The following FGF14 variants were observed in gnomAD, a reference collection of about 807,000 sequenced individuals.
FGF14 encodes the protein fibroblast growth factor homologous factor 4.
In FGF14, 5 loss-of-function variants were observed where a neutral mutation model predicts 25.5. The ratio of observed to expected loss-of-function variants is 0.20; its 90% CI spans 0.10 to 0.41. FGF14 has a LOEUF of 0.41. Ranked by LOEUF, FGF14 falls within the 10% of genes least tolerant of loss-of-function variation. The pLI is 1.00. For missense variants in FGF14, 222 were observed against 320.1 expected, an observed-to-expected ratio of 0.69 and a Z score of 2.34; for synonymous variants, 138 against 118.3, an observed-to-expected ratio of 1.17 and a Z score of -1.08.
chr13:102,244,177 C>CT (rs2051742686), intron 1 of FGF14, among the ~76,000 whole-genome samples: 1 of 152,038 alleles, frequency 6.6e-6, no homozygotes, highest in Non-Finnish European at 1.5e-5. Context: ...ACTTATTACT[C>CT]TGAGACTGAA....
In FGF14 at chr13:102,340,713, G is replaced by A. The variant is rs564132547; in HGVS notation, c.208+60758C>T. Among the ~76,000 whole-genome samples the A allele has an allele frequency of 2.0e-5, 3 of 152,276 alleles. No homozygotes were observed. In the East Asian group the frequency reaches 5.8e-4, roughly 29 times the overall value. On this transcript the variant is annotated intron_variant, in intron 1 of 4. Coordinates refer to the FGF14 transcript ENST00000376131. ...AATCTATATGTGGATCAAGAAGGCA[G>A]TCATAAAATGCAAAGGGCTTCTTAT...
chr13:102,172,482 A>G (rs2048290831), intron 1 of FGF14, among the ~76,000 whole-genome samples: 1 of 152,116 alleles, frequency 6.6e-6, no homozygotes, highest in Non-Finnish European at 1.5e-5. Flanking sequence ...AGTGACATAC[A>G]TTTACACTCC....
At chr13:101,893,756 T>C (rs1489037803) in intron 1 of FGF14, among the ~76,000 whole-genome samples, 11 of 152,190 alleles carry the variant, frequency 7.2e-5, no homozygotes. Context: ...AGAGCCCTAC[T>C]GACAAGTCAA....
At chr13:102,322,182 T>G (rs1719192662) in intron 1 of FGF14, among the ~76,000 whole-genome samples, 1 of 152,244 alleles carries the variant, frequency 6.6e-6, no homozygotes, top group Non-Finnish European at 1.5e-5. Context: ...CTAAATGTCA[T>G]GCTAAGATGT....
chr13:102,084,216 C>T (rs2043778245), intron 1 of FGF14, among the ~76,000 whole-genome samples: 2 of 152,148 alleles, frequency 1.3e-5, no homozygotes, highest in South Asian at 4.1e-4. Context: ...CATTTCCTAA[C>T]CTCTAACTCT....
intron 1 of FGF14, among the ~76,000 whole-genome samples, chr13:101,899,406 G>A (rs2031221737): frequency 1.3e-5 from 2 of 151,700 alleles, no homozygotes; most frequent in African/African-American, 2.4e-5. Context: ...AGTAAATGAT[G>A]GAGATATAAC....
chr13:102,106,207 G>T (rs1450889341), intron 1 of FGF14, among the ~76,000 whole-genome samples: 1 of 152,076 alleles, frequency 6.6e-6, no homozygotes, highest in African/African-American at 2.4e-5. Context: ...TTGCTACTAA[G>T]GTATCCACAC....
At chr13:102,068,484 G>A (rs71441536) in intron 1 of FGF14, among the ~76,000 whole-genome samples, 3 of 152,308 alleles carry the variant, frequency 2.0e-5, no homozygotes, top group South Asian at 2.1e-4. Flanking sequence ...GGAGAGGCGC[G>A]AGCGGGAACC....
chr13:101,855,987 T>G (rs1175809832), intron 3 of FGF14, among the ~76,000 whole-genome samples: 1 of 151,602 alleles, frequency 6.6e-6, no homozygotes, highest in Non-Finnish European at 1.5e-5. Flanking sequence ...TCTTGTACAA[T>G]GTAATTTTAA....
At chr13:102,298,172 A>C (rs2054829757) in intron 1 of FGF14, among the ~76,000 whole-genome samples, 1 of 152,186 alleles carries the variant, frequency 6.6e-6, no homozygotes, top group Admixed American at 6.5e-5. Flanking sequence ...ACTGGGGGAA[A>C]AAAACTCATG....
chr13:101,985,415 A>C (rs74886601), intron 1 of FGF14, among the ~76,000 whole-genome samples: 3,398 of 152,166 alleles, frequency 0.022, 129 homozygotes, highest in African/African-American at 0.079. Flanking sequence ...AAAACATAGC[A>C]CTTGTATTAA....
intron 1 of FGF14, among the ~76,000 whole-genome samples, chr13:102,075,133 T>C (rs1469335566): frequency 1.3e-5 from 2 of 152,164 alleles, no homozygotes; most frequent in African/African-American, 2.4e-5. Flanking sequence ...AAAAATTAAA[T>C]CAGCCCTGTT....
chr13:101,714,580 T>G lies in FGF14; in HGVS notation c.*8251A>C. ...CAGTATTAACCTTTTCTAATTGCTC[T>G]ATGCCACAGTTTGTTATAGAGCCAA... On this transcript the variant is annotated 3_prime_UTR_variant, in exon 5 of 5. Coordinates refer to ENST00000376143, the MANE Select transcript of FGF14 (RefSeq NM_004115.4). The G allele has an allele frequency of 3.1e-6, 4 of 1,300,782 alleles. No homozygotes were observed. Among genetic ancestry groups the G allele is most frequent in the Non-Finnish European group, 4.5e-6 (4 of 895,034 alleles). 80.6% of individuals were successfully genotyped at this position (1,300,782 alleles called of 1,614,324 possible).
chr13:102,273,656 C>T (rs1365866452), intron 1 of FGF14, among the ~76,000 whole-genome samples: 1 of 152,110 alleles, frequency 6.6e-6, no homozygotes, highest in Non-Finnish European at 1.5e-5. Context: ...TTTAACTGAT[C>T]AAGCTGTTTT....
intron 1 of FGF14, among the ~76,000 whole-genome samples, chr13:102,168,975 G>C (rs2048130692): frequency 6.6e-6 from 1 of 151,652 alleles, no homozygotes. Flanking sequence ...ACAGTTAGAT[G>C]CTAAATTATA....
intron 1 of FGF14, among the ~76,000 whole-genome samples, chr13:101,990,442 C>CT (rs11321813): frequency 6.6e-6 from 1 of 151,982 alleles, no homozygotes; most frequent in Non-Finnish European, 1.5e-5. Flanking sequence ...TATCAAAATC[C>CT]TTTTTTTATG....
intron 3 of FGF14, among the ~76,000 whole-genome samples, chr13:101,764,165 TTTA>T (rs1460577499): frequency 2.0e-5 from 3 of 152,048 alleles, no homozygotes; most frequent in Non-Finnish European, 4.4e-5. Flanking sequence ...TTTAGTTGGT[TTTA>T]TTATTCTTAT....
Position 101,721,590 on chromosome 13 carries a change from TAA to T in FGF14, c.*1239_*1240del, listed in dbSNP as rs890545273. 27 of 151,850 alleles carry T rather than the reference TAA, an allele frequency of 1.8e-4. No homozygotes were observed. The highest frequency in any genetic ancestry group is 6.3e-4 in the African/African-American group (26 of 41,470). The allele number at this position is 151,850 out of a possible 1,614,324, so 9.4% of individuals were successfully genotyped here. A position where few individuals can be genotyped will look rare whatever the true frequency, so the allele number is the denominator to read the frequency against. On this transcript the variant is annotated 3_prime_UTR_variant, in exon 5 of 5. Transcript: ENST00000376143. Reference sequence around the variant, plus strand: ...CAGTACCGGACTCAGCATGCTGAGCTAAAAAAAATATTTTTCCTAATATGTCC... The same window carrying T: ...CAGTACCGGACTCAGCATGCTGAGCTAAAAAATATTTTTCCTAATATGTCC...
At chr13:101,868,335 T>C (rs1052393100) in intron 3 of FGF14, 10 of 205,378 alleles carry the variant, frequency 4.9e-5, no homozygotes, top group African/African-American at 2.1e-4. Flanking sequence ...ATCCACACAA[T>C]TTGAATTCTT....
Sources: allele counts gnomAD v4.1 joint callset (sites outside exome capture counted in the v4.1 genomes callset), GRCh38; gene constraint gnomAD v4.1.1; transcripts MANE v1.5; gene names NCBI Gene and HGNC (gene_info 2026-07-23, HGNC 2026-07-21).